VPS26A: variants seen among roughly 807,000 people sequenced by gnomAD.
VPS26A encodes VPS26 retromer complex component A.
A neutral mutation model predicts 42.4 loss-of-function variants in VPS26A; 22 were observed. That is an observed-to-expected ratio of 0.52 (90% CI 0.37 to 0.74). VPS26A has a LOEUF of 0.74. Ranked by LOEUF, VPS26A falls within the 30% of genes least tolerant of loss-of-function variation. The probability of loss-of-function intolerance (pLI) is 0.00; values close to 1 mark genes in which losing one functional copy is unlikely to be tolerated. For synonymous variants in VPS26A, 110 were observed against 123.5 expected (o/e 0.89, Z 0.73); for missense variants, 276 against 379.2 (o/e 0.73, Z 2.26).
intron 1 of VPS26A, among the ~76,000 whole-genome samples, chr10:69,127,727 C>CTTT (rs572346560): frequency 0.029 from 2,497 of 85,006 alleles, 230 homozygotes; most frequent in African/African-American, 0.11. Flanking sequence ...TTAAAAATAT[C>CTTT]TTTTTTTTTT....
intron 1 of VPS26A, among the ~76,000 whole-genome samples, chr10:69,132,441 T>TTC (rs1840803304): frequency 2.6e-5 from 4 of 151,506 alleles, no homozygotes; most frequent in East Asian, 3.9e-4. Flanking sequence ...GTTTTTTTTT[T>TTC]TTTCTTTCTT....
chr10:69,162,704 A>C (rs1841588503), intron 6 of VPS26A, among the ~76,000 whole-genome samples, 192 bp downstream of exon 6: 1 of 152,210 alleles, frequency 6.6e-6, no homozygotes, highest in South Asian at 2.1e-4. Flanking sequence ...TTTTATAAAA[A>C]ATTAATTTTT....
intron 6 of VPS26A, among the ~76,000 whole-genome samples, chr10:69,163,724 A>G (rs949104357): frequency 6.6e-5 from 10 of 152,048 alleles, no homozygotes; most frequent in Non-Finnish European, 1.5e-4. Flanking sequence ...ACCACAGTCA[A>G]GCTAATTAAT....
At chr10:69,156,449 CT>C (rs1841431100) in intron 3 of VPS26A, among the ~76,000 whole-genome samples, 1 of 152,004 alleles carries the variant, frequency 6.6e-6, no homozygotes, top group Non-Finnish European at 1.5e-5. Flanking sequence ...GAAAATATGT[CT>C]TTATAATACT....
chr10:69,144,527 A>G (rs943791213), intron 2 of VPS26A, among the ~76,000 whole-genome samples: 2 of 152,212 alleles, frequency 1.3e-5, no homozygotes, highest in Non-Finnish European at 2.9e-5. Context: ...TTGGAATCAT[A>G]TAGAATGTAG....
intron 2 of VPS26A, among the ~76,000 whole-genome samples, chr10:69,136,576 T>C (rs1299500652): frequency 6.6e-6 from 1 of 151,980 alleles, no homozygotes; most frequent in East Asian, 1.9e-4. Flanking sequence ...GCCTTTTTTC[T>C]TTTTTGCAAC....
intron 1 of VPS26A, among the ~76,000 whole-genome samples, chr10:69,125,784 C>G (rs1400489214): frequency 6.6e-6 from 1 of 152,116 alleles, no homozygotes; most frequent in African/African-American, 2.4e-5. Context: ...TTTTGAGAGT[C>G]AGCCTTCCAC....
intron 2 of VPS26A, among the ~76,000 whole-genome samples, chr10:69,141,171 A>G (rs942963184): frequency 5.3e-5 from 8 of 152,210 alleles, no homozygotes; most frequent in African/African-American, 1.9e-4. Context: ...CAGTTTAGCA[A>G]TATGTATCAA....
In VPS26A at chr10:69,168,533, A is replaced by G. The variant is rs1841743511; in HGVS notation, c.772A>G (p.Thr258Ala). The G allele has an allele frequency of 6.2e-7, 1 of 1,614,056 alleles. No homozygotes were observed. Among genetic ancestry groups the G allele is most frequent in the Non-Finnish European group, 8.5e-7 (1 of 1,179,992 alleles). The change falls in exon 8 of 9, where the codon ACT (threonine) becomes GCT (alanine). Residue 258 changes from threonine to alanine, a missense_variant. Coordinates refer to ENST00000263559, the MANE Select transcript of VPS26A (RefSeq NM_004896.5). ...IRLFLAGYDP[T>A]PTMRDVNKKF... The stretch of plus-strand genomic sequence containing the variant: ...GCTATTTTTAGCAGGATATGACCCA[A>G]CTCCAACAATGAGAGATGTGAACAA...
chr10:69,129,507 G>T (rs1840730303), intron 1 of VPS26A, among the ~76,000 whole-genome samples: 1 of 151,468 alleles, frequency 6.6e-6, no homozygotes, highest in Admixed American at 6.6e-5. Context: ...TTTGTTATTT[G>T]TAATTTTGCC....
Position 69,173,846 on chromosome 10 carries a change from C to T in VPS26A, c.*2577C>T, listed in dbSNP as rs1211094903. Among the ~76,000 whole-genome samples the T allele has an allele frequency of 6.6e-6, 1 of 152,130 alleles. No individual in the cohort carries two copies. The highest frequency in any genetic ancestry group is 1.5e-5 in the Non-Finnish European group (1 of 68,026). ...AGAAACTCCATCTCTACCAAAAATGCATTAGTCGGGCGTGGTGGCACATGC... is the reference window on the plus strand; with the variant it reads ...AGAAACTCCATCTCTACCAAAAATGTATTAGTCGGGCGTGGTGGCACATGC... On this transcript the variant is annotated 3_prime_UTR_variant, in exon 9 of 9. Transcript: ENST00000263559.
chr10:69,171,109 CATCAT>C, intron 8 of VPS26A, 42 bp from the exon 9 acceptor site: 1 of 1,416,282 alleles, frequency 7.1e-7, no homozygotes, highest in Non-Finnish European at 9.9e-7. Flanking sequence ...AGAGATAAGG[CATCAT>C]ATCAAACATT....
intron 2 of VPS26A, among the ~76,000 whole-genome samples, chr10:69,148,353 G>T (rs1409752544): frequency 6.6e-6 from 1 of 152,234 alleles, no homozygotes; most frequent in East Asian, 1.9e-4. Flanking sequence ...ATTCCCTGTT[G>T]CAAAAGTCAA....
At position 69,157,004 on chromosome 10, in the gene VPS26A, CAG is replaced by C; in HGVS notation, c.230-1_230del. Reference sequence around the variant, plus strand: ...GGTCTTTTTGCCTTTTAAAATTTCTCAGAACTTTTCAATGACAAGAGTAATAC... The same window carrying C: ...GGTCTTTTTGCCTTTTAAAATTTCTCAACTTTTCAATGACAAGAGTAATAC... On this transcript the variant is annotated splice_acceptor_variant, in intron 3 of 8. Transcript: ENST00000263559. LOFTEE classifies it high-confidence loss of function. 1 of 1,583,112 alleles carries C rather than the reference CAG, an allele frequency of 6.3e-7. No individual in the cohort carries two copies. The highest frequency in any genetic ancestry group is 8.6e-7 in the Non-Finnish European group (1 of 1,166,092).
At chr10:69,132,373 C>T (rs1182885021) in intron 1 of VPS26A, among the ~76,000 whole-genome samples, 10 of 150,274 alleles carry the variant, frequency 6.7e-5, no homozygotes, top group African/African-American at 2.2e-4. Context: ...TGGTTAAAAA[C>T]ACATAACATG....
rs1841832498 is a variant in VPS26A at position 69,172,287 on chromosome 10, A to T, written c.*1018A>T. The T allele has an allele frequency of 6.6e-6, 1 of 152,174 alleles. No homozygotes were observed. Among genetic ancestry groups the T allele is most frequent in the African/African-American group, 2.4e-5 (1 of 41,448 alleles). The allele number at this position is 152,174 out of a possible 1,614,324, so 9.4% of individuals were successfully genotyped here. Reference sequence around the variant, plus strand: ...CTAGTTAAACTCATATTGAAACTTCATCTAGTCTCTTAATTTTTTAACACT... The same window carrying T: ...CTAGTTAAACTCATATTGAAACTTCTTCTAGTCTCTTAATTTTTTAACACT... On this transcript the variant is annotated 3_prime_UTR_variant, in exon 9 of 9. Transcript: ENST00000263559.
chr10:69,134,084 T>G (rs1273266665), intron 2 of VPS26A, among the ~76,000 whole-genome samples: 6 of 152,098 alleles, frequency 3.9e-5, no homozygotes, highest in Non-Finnish European at 1.5e-5. Context: ...CCACAAAACA[T>G]TTGAAATAAT....
intron 2 of VPS26A, among the ~76,000 whole-genome samples, chr10:69,152,319 C>A (rs977559895): frequency 6.6e-6 from 1 of 152,160 alleles, no homozygotes. Context: ...TCTGTAGTTT[C>A]AAAAAATATA....
chr10:69,144,657 C>T (rs770785983), intron 2 of VPS26A, among the ~76,000 whole-genome samples: 1 of 151,070 alleles, frequency 6.6e-6, no homozygotes, highest in South Asian at 2.1e-4. Context: ...ATGGATGTAC[C>T]AATGTTTGTT....
Sources: allele counts gnomAD v4.1 joint callset (sites outside exome capture counted in the v4.1 genomes callset), GRCh38; gene constraint gnomAD v4.1.1; transcripts MANE v1.5; gene names NCBI Gene and HGNC (gene_info 2026-07-23, HGNC 2026-07-21).